RIMS2: variants seen among roughly 807,000 people sequenced by gnomAD.
RIMS2 encodes regulating synaptic membrane exocytosis protein 2.
Under a neutral mutation model 174.4 loss-of-function variants are expected in RIMS2, and 59 were observed. The ratio of observed to expected loss-of-function variants is 0.34; its 90% confidence interval spans 0.27 to 0.42. The LOEUF (loss-of-function observed/expected upper bound fraction) is 0.42, where lower values mean the gene tolerates loss of function less well. Ranked by LOEUF, RIMS2 falls within the 10% of genes least tolerant of loss-of-function variation. The pLI, the probability that RIMS2 is intolerant of heterozygous loss-of-function variation, is 1.00. For missense variants in RIMS2, 1,620 were observed against 1,666.3 expected (o/e 0.97, Z 0.48); for synonymous variants, 606 against 572.5 (o/e 1.06, Z -0.84).
chr8:104,226,385 C>T (rs950660400), intron 19 of RIMS2, among the ~76,000 whole-genome samples: 2 of 152,120 alleles, frequency 1.3e-5, no homozygotes, highest in African/African-American at 2.4e-5. Flanking sequence ...TCTTGTACAG[C>T]GTGTTGAGTT....
intron 1 of RIMS2, among the ~76,000 whole-genome samples, chr8:103,609,011 C>A (rs1252222472): frequency 6.6e-6 from 1 of 152,044 alleles, no homozygotes; most frequent in African/African-American, 2.4e-5. Flanking sequence ...CATCTTGGCT[C>A]CTCCCTCCCA....
chr8:103,595,653 T>A (rs1186952015), intron 1 of RIMS2, among the ~76,000 whole-genome samples: 4 of 151,924 alleles, frequency 2.6e-5, no homozygotes, highest in Non-Finnish European at 4.4e-5. Context: ...GGAACTGCAG[T>A]ATAAGAAGAT....
chr8:103,611,001 A>T (rs2095350066), intron 1 of RIMS2, among the ~76,000 whole-genome samples: 1 of 151,958 alleles, frequency 6.6e-6, no homozygotes, highest in South Asian at 2.1e-4. Flanking sequence ...CAATTATCGA[A>T]CTCATTATCG....
intron 19 of RIMS2, among the ~76,000 whole-genome samples, chr8:104,071,150 A>T (rs562629376): frequency 1.3e-5 from 2 of 152,360 alleles, no homozygotes; most frequent in Admixed American, 6.5e-5. Context: ...AAGGAATACT[A>T]TAGGCATAGC....
chr8:104,249,639 A>C (rs1354788242), intron 22 of RIMS2, 51 bp downstream of exon 28: 2 of 1,043,544 alleles, frequency 1.9e-6, no homozygotes, highest in African/African-American at 3.1e-5. Flanking sequence ...ATATTGTTTC[A>C]ATTTAGAGAC....
chr8:103,668,003 G>C (rs1015232768), intron 1 of RIMS2, among the ~76,000 whole-genome samples: 17 of 152,142 alleles, frequency 1.1e-4, no homozygotes, highest in African/African-American at 4.1e-4. Flanking sequence ...GTCCTCTGTT[G>C]GGGGACCATG....
intron 2 of RIMS2, among the ~76,000 whole-genome samples, chr8:103,751,413 G>A (rs2097889791): frequency 2.0e-5 from 3 of 151,696 alleles, no homozygotes; most frequent in South Asian, 2.1e-4. Flanking sequence ...ACATACGTGT[G>A]CATGTGTCTT....
chr8:104,156,310 G>A (rs1209762191), intron 19 of RIMS2, among the ~76,000 whole-genome samples: 12 of 152,008 alleles, frequency 7.9e-5, no homozygotes, highest in African/African-American at 2.7e-4. Flanking sequence ...AAGTTTTTAC[G>A]GACAGGAATT....
At chr8:103,550,960 G>T (rs973455288) in intron 1 of RIMS2, among the ~76,000 whole-genome samples, 2 of 152,076 alleles carry the variant, frequency 1.3e-5, no homozygotes, top group African/African-American at 4.8e-5. Flanking sequence ...ATAATTAATG[G>T]CCTACTGACC....
At chr8:104,233,812 C>T (rs559190815) in intron 19 of RIMS2, among the ~76,000 whole-genome samples, 7 of 152,192 alleles carry the variant, frequency 4.6e-5, no homozygotes, top group East Asian at 1.9e-4. Flanking sequence ...TTCAGCCAAA[C>T]GCCTCATTAG....
chr8:103,654,371 A>T (rs2096496379), intron 1 of RIMS2, among the ~76,000 whole-genome samples: 2 of 151,984 alleles, frequency 1.3e-5, no homozygotes. Flanking sequence ...ATCTGCTTTG[A>T]TTTTTGTATA....
chr8:104,065,487 C>T (rs767547200), intron 19 of RIMS2, among the ~76,000 whole-genome samples: 1 of 152,098 alleles, frequency 6.6e-6, no homozygotes, highest in Non-Finnish European at 1.5e-5. Flanking sequence ...GTGAAGAATC[C>T]TCTACGCTGG....
chr8:104,223,730 G>A (rs115168750), intron 19 of RIMS2: 21,350 of 1,593,212 alleles, frequency 0.013, 178 homozygotes, highest in Non-Finnish European at 0.017. Context: ...TAGCCTGTCT[G>A]CCTCCTTCGA....
At chr8:103,639,716 G>A (rs1344131291) in intron 1 of RIMS2, among the ~76,000 whole-genome samples, 2 of 151,820 alleles carry the variant, frequency 1.3e-5, no homozygotes, top group Non-Finnish European at 1.5e-5. Flanking sequence ...GTTATTTTCA[G>A]TTTTCTGAGA....
chr8:103,753,665 A>G (rs2097926059), intron 2 of RIMS2, among the ~76,000 whole-genome samples: 1 of 152,088 alleles, frequency 6.6e-6, no homozygotes, highest in African/African-American at 2.4e-5. Context: ...GGGAGGGTGT[A>G]TGTGTCCAGG....
At chr8:103,948,212 A>G (rs934328195) in intron 14 of RIMS2, among the ~76,000 whole-genome samples, 1 of 152,216 alleles carries the variant, frequency 6.6e-6, no homozygotes, top group African/African-American at 2.4e-5. Flanking sequence ...AATGTGGAGA[A>G]ATTGGAACCC....
At position 104,237,367 on chromosome 8, in the gene RIMS2, A is replaced by G. The variant is rs61047661; in HGVS notation, c.3335-7549A>G. Among the ~76,000 whole-genome samples the G allele has an allele frequency of 6.1e-3, 929 of 152,290 alleles. 10 individuals are homozygous for G. Among genetic ancestry groups the G allele is most frequent in the African/African-American group, 0.021 (873 of 41,574 alleles). On this transcript the variant is annotated intron_variant, in intron 19 of 23. Coordinates refer to ENST00000504942, the Ensembl canonical transcript of RIMS2. ...AAAAAATTTATGTCTCACTCCCACTACTTGTCCATTGAGAGTCCTGTGTGT... is the reference window on the plus strand; with the variant it reads ...AAAAAATTTATGTCTCACTCCCACTGCTTGTCCATTGAGAGTCCTGTGTGT...
intron 19 of RIMS2, among the ~76,000 whole-genome samples, chr8:104,036,902 A>G (rs2096529973): frequency 6.6e-6 from 1 of 152,062 alleles, no homozygotes; most frequent in African/African-American, 2.4e-5. Context: ...ATAAAAAATA[A>G]CCTTTTTATG....
In RIMS2 at chr8:103,615,603, A is replaced by G. The variant is rs145625479; in HGVS notation, c.177-81483A>G. Among the ~76,000 whole-genome samples, 382 of 152,054 alleles carry G rather than the reference A, an allele frequency of 2.5e-3. 5 individuals carry two copies. Among genetic ancestry groups the G allele is most frequent in the Non-Finnish European group, 9.0e-4 (61 of 67,868 alleles). On this transcript the variant is annotated intron_variant, in intron 1 of 23. Coordinates refer to ENST00000504942, the Ensembl canonical transcript of RIMS2. ...TCAACAAATTCAGGAGTTGATTTTT[A>G]AAAAGTTAATAAAATAGGCCACTAG...
Sources: allele counts gnomAD v4.1 joint callset (sites outside exome capture counted in the v4.1 genomes callset), GRCh38; gene constraint gnomAD v4.1.1; transcripts MANE v1.5; gene names NCBI Gene and HGNC (gene_info 2026-07-23, HGNC 2026-07-21).